ITSN2: variants seen among roughly 807,000 people sequenced by gnomAD.
The protein encoded by ITSN2 is intersectin-2.
In ITSN2, 156 loss-of-function variants were observed where a neutral mutation model predicts 243.7. That is an observed-to-expected ratio of 0.64 (90% CI 0.56 to 0.73). The LOEUF (loss-of-function observed/expected upper bound fraction) is 0.73, where lower values mean the gene tolerates loss of function less well. ITSN2 is among the 30% of genes least tolerant of loss of function. ITSN2 has a pLI of 0.00. For missense variants in ITSN2, 1,801 were observed against 1,996.1 expected, an observed-to-expected ratio of 0.90 and a Z score of 1.86; for synonymous variants, 703 against 699.9, an observed-to-expected ratio of 1.00 and a Z score of -0.07.
At position 24,204,805 on chromosome 2, in the gene ITSN2, CTGTT is replaced by C. The variant is rs1200922777; in HGVS notation, c.4763-391_4763-388del. 2 of 463,184 alleles carry C rather than the reference CTGTT, an allele frequency of 4.3e-6. No homozygotes were observed. Among genetic ancestry groups the C allele is most frequent in the Non-Finnish European group, 8.6e-6 (2 of 232,474 alleles). 28.7% of individuals were successfully genotyped at this position (463,184 alleles called of 1,614,324 possible). ...GCGCATTTTAGTGGCACTGGACACACTGTTAGAAAGCATTCCTTTATTCAGTGTT... is the reference window on the plus strand; with the variant it reads ...GCGCATTTTAGTGGCACTGGACACACAGAAAGCATTCCTTTATTCAGTGTT... On this transcript the variant is annotated intron_variant, in intron 38 of 39. Transcript: ENST00000355123. This position sits in a 1 kb window ranked among gnomAD's most constrained non-coding sequence, Gnocchi z 5.1.
At chr2:24,306,786 C>G (rs188998092) in intron 8 of ITSN2, among the ~76,000 whole-genome samples, 1 of 152,200 alleles carries the variant, frequency 6.6e-6, no homozygotes, top group Non-Finnish European at 1.5e-5. Flanking sequence ...TAGGCACATG[C>G]CGCTATGCCT....
rs1203936893 is a variant in ITSN2 at position 24,204,327 on chromosome 2, A to G, written c.4854T>C (p.Phe1618=). ...GATCCTTAATAAAGAACTGGCAGTTAAAATTCCACTTGGGATTGAGTGTGT... is the reference window on the plus strand; with the variant it reads ...GATCCTTAATAAAGAACTGGCAGTTGAAATTCCACTTGGGATTGAGTGTGT... The part of the protein sequence containing the change: ...IQDTLNPKWN[F]NCQFFIKDLY... Residue 1618 remains phenylalanine, a synonymous_variant, in exon 39 of 40, where the codon TTT becomes TTC. Coordinates refer to ENST00000355123, the MANE Select transcript of ITSN2 (RefSeq NM_006277.3). The surrounding 1 kb of genome is among the most constrained non-coding windows in gnomAD (Gnocchi z 5.1). The G allele has an allele frequency of 6.2e-7, 1 of 1,614,242 alleles. No homozygotes were observed.
At chr2:24,309,475 C>A (rs376247838) in intron 7 of ITSN2, among the ~76,000 whole-genome samples, 1 of 152,208 alleles carries the variant, frequency 6.6e-6, no homozygotes, top group Non-Finnish European at 1.5e-5. Context: ...GCTGGGATTA[C>A]AGGCGTGAGC....
At chr2:24,224,254 T>A (rs1300358545) in intron 29 of ITSN2, among the ~76,000 whole-genome samples, 2 of 152,252 alleles carry the variant, frequency 1.3e-5, no homozygotes, top group Non-Finnish European at 2.9e-5. Flanking sequence ...CATATCCACA[T>A]TCCATCTCTA....
chr2:24,254,335 AC>A (rs752012531), intron 24 of ITSN2, 31 bp downstream of exon 24: 11 of 1,439,780 alleles, frequency 7.6e-6, no homozygotes, highest in Non-Finnish European at 7.8e-6. Flanking sequence ...TAAATTGATT[AC>A]CATCTAATTT....
At chr2:24,273,391 T>G (rs1574101930) in intron 18 of ITSN2, among the ~76,000 whole-genome samples, 1 of 152,226 alleles carries the variant, frequency 6.6e-6, no homozygotes, top group African/African-American at 2.4e-5. Context: ...CCTTTCTCAG[T>G]TCCTCTGTAA....
chr2:24,324,368 T>G (rs531590311), intron 2 of ITSN2, among the ~76,000 whole-genome samples: 1 of 152,146 alleles, frequency 6.6e-6, no homozygotes, highest in African/African-American at 2.4e-5. Context: ...TGCATCAAGA[T>G]TGATGCACCA....
intron 3 of ITSN2, among the ~76,000 whole-genome samples, chr2:24,314,137 T>G (rs1683624913): frequency 1.3e-5 from 2 of 152,132 alleles, no homozygotes; most frequent in African/African-American, 4.8e-5. Flanking sequence ...TCTCCTGGGC[T>G]CTCTGCATTG....
At chr2:24,245,232 G>T (rs1414063985) in intron 29 of ITSN2, among the ~76,000 whole-genome samples, 1 of 152,134 alleles carries the variant, frequency 6.6e-6, no homozygotes, top group South Asian at 2.1e-4. Context: ...CACACTTCGA[G>T]ATCTGGACCC....
chr2:24,355,797 G>T lies in ITSN2; in HGVS notation c.-34+4507C>A, dbSNP rs375718819. ...AACTATCATCAGGCTGGGTGCAGTG[G>T]CTCATGCCTATAATCCCAGCACTAT... On this transcript the variant is annotated intron_variant, in intron 1 of 39. Transcript: ENST00000355123. Among the ~76,000 whole-genome samples the T allele has an allele frequency of 3.3e-5, 5 of 152,188 alleles. No homozygotes were observed. In the East Asian group the frequency reaches 5.8e-4, roughly 18 times the overall value.
chr2:24,295,831 G>C, intron 13 of ITSN2, 27 bp from the exon 14 acceptor site: 1 of 1,446,206 alleles, frequency 6.9e-7, no homozygotes, highest in Non-Finnish European at 9.2e-7. Context: ...TAAATATATA[G>C]TAACATAAAA....
At chr2:24,268,723 T>A (rs186814463) in intron 20 of ITSN2, among the ~76,000 whole-genome samples, 1 of 152,062 alleles carries the variant, frequency 6.6e-6, no homozygotes, top group Non-Finnish European at 1.5e-5. Flanking sequence ...TCCTTTCTAC[T>A]ATTATTTAAA....
chr2:24,237,147 C>A (rs551390781), intron 29 of ITSN2, among the ~76,000 whole-genome samples: 1 of 152,200 alleles, frequency 6.6e-6, no homozygotes, highest in South Asian at 2.1e-4. Context: ...TCCACTTGGA[C>A]AAATTATCTA....
chr2:24,247,803 T>C (rs1365600663), intron 27 of ITSN2, among the ~76,000 whole-genome samples: 1 of 152,248 alleles, frequency 6.6e-6, no homozygotes, highest in Non-Finnish European at 1.5e-5. Context: ...TTGTTAATCA[T>C]TAATCAGGAG....
chr2:24,237,586 T>C (rs920958695), intron 29 of ITSN2, among the ~76,000 whole-genome samples: 1 of 152,172 alleles, frequency 6.6e-6, no homozygotes, highest in Admixed American at 6.5e-5. Flanking sequence ...TGCTCCAAAC[T>C]CCTCTTCTTC....
At chr2:24,359,529 G>A (rs183226585) in intron 1 of ITSN2, among the ~76,000 whole-genome samples, 20 of 152,212 alleles carry the variant, frequency 1.3e-4, no homozygotes, top group Non-Finnish European at 2.5e-4. Flanking sequence ...GCGACAAGGC[G>A]CATAATTAAT....
rs552186545 is a variant in ITSN2, at chr2:24,214,124, T to A, written c.3991-1376A>T. Among the ~76,000 whole-genome samples the A allele has an allele frequency of 2.2e-4, 33 of 152,374 alleles. No homozygotes were observed. In the Middle Eastern group the frequency reaches 0.01, roughly 47 times the overall value. On this transcript the variant is annotated intron_variant, in intron 32 of 39. Coordinates refer to ENST00000355123, the MANE Select transcript of ITSN2 (RefSeq NM_006277.3). ...AGCCTGTCTTGTTCTAAGCATAGTA[T>A]GCTATAGCCTCCTGAGATAATCCTA...
intron 37 of ITSN2, among the ~76,000 whole-genome samples, chr2:24,206,950 G>A (rs145446310): frequency 3.3e-5 from 5 of 152,090 alleles, no homozygotes; most frequent in African/African-American, 1.2e-4. Context: ...ACTTGAGCTG[G>A]AGGGGGAGCT....
chr2:24,281,380 CTCTT>C (rs989752727), intron 17 of ITSN2, among the ~76,000 whole-genome samples: 4 of 152,194 alleles, frequency 2.6e-5, no homozygotes, highest in Non-Finnish European at 4.4e-5. Flanking sequence ...TCCCATCATT[CTCTT>C]TCTTTATTAA....
Sources: gnomAD v4.1 joint callset for allele counts (sites outside exome capture counted in the v4.1 genomes callset) on GRCh38, gnomAD v4.1.1 for gene constraint, Gnocchi (gnomAD v3.1) non-coding constraint, MANE v1.5 for transcripts, NCBI Gene and HGNC (gene_info 2026-07-23, HGNC 2026-07-21) for gene names.